Variants in YES1 observed in about 807,000 individuals in gnomAD.
YES1 encodes tyrosine-protein kinase Yes.
YES1 carries 39 observed loss-of-function variants against 70.4 expected under a neutral mutation model. The observed-to-expected ratio is 0.55, with a 90% confidence interval of 0.43 to 0.72. The LOEUF is 0.72. Among genes scored for constraint, YES1 ranks in the 30% least tolerant of loss-of-function variants. The pLI, the probability that YES1 is intolerant of heterozygous loss-of-function variation, is 0.00. For synonymous variants in YES1, 198 were observed against 218.6 expected, an observed-to-expected ratio of 0.91 and a Z score of 0.83; for missense variants, 495 against 644.8, an observed-to-expected ratio of 0.77 and a Z score of 2.52.
intron 1 of YES1, among the ~76,000 whole-genome samples, chr18:773,641 T>C (rs770373895): frequency 1.3e-5 from 2 of 152,206 alleles, no homozygotes; most frequent in African/African-American, 2.4e-5. Context: ...TAGACTTTCA[T>C]AATCCTGTCC....
chr18:737,143 T>C (rs2080163385), intron 9 of YES1, 182 bp from the exon 10 acceptor site: 5 of 568,218 alleles, frequency 8.8e-6, no homozygotes, highest in Non-Finnish European at 1.5e-5. Context: ...AAATGCAGGC[T>C]AAATTCAGAT....
intron 1 of YES1, among the ~76,000 whole-genome samples, chr18:810,311 T>C (rs1907309404): frequency 1.3e-5 from 2 of 152,206 alleles, no homozygotes; most frequent in Admixed American, 6.5e-5. Context: ...GAAGAAATTT[T>C]ACTTGCATAG....
chr18:805,896 G>C lies in YES1; in HGVS notation c.-9+6218C>G, dbSNP rs1279520546. Reference sequence around the variant, plus strand: ...AAAGTTACATTAAAAAATTAGAGAAGTGAAAATCCTCTTAAGTCAGTTGAA... The same window carrying C: ...AAAGTTACATTAAAAAATTAGAGAACTGAAAATCCTCTTAAGTCAGTTGAA... On this transcript the variant is annotated intron_variant, in intron 1 of 11. Coordinates refer to ENST00000314574, the MANE Select transcript of YES1 (RefSeq NM_005433.4). 5.3e-5 allele frequency among the ~76,000 whole-genome samples: 8 copies of C among 152,112 alleles called. No homozygotes were observed. In the East Asian group the frequency reaches 1.5e-3, roughly 29 times the overall value.
intron 1 of YES1, among the ~76,000 whole-genome samples, chr18:791,203 T>A (rs1906229686): frequency 6.6e-6 from 1 of 150,448 alleles, no homozygotes; most frequent in African/African-American, 2.5e-5. Context: ...TGAGCCAAGA[T>A]TGTGCCATTG....
intron 1 of YES1, among the ~76,000 whole-genome samples, chr18:772,932 T>C (rs981269319): frequency 5.9e-5 from 9 of 152,170 alleles, no homozygotes; most frequent in African/African-American, 1.9e-4. Flanking sequence ...AAAAGCAAAA[T>C]AATATAAACT....
intron 3 of YES1, among the ~76,000 whole-genome samples, chr18:751,096 G>A (rs1005222630): frequency 2.6e-5 from 4 of 152,176 alleles, no homozygotes; most frequent in African/African-American, 9.7e-5. Flanking sequence ...ATAACTGGTA[G>A]CAGATGGGAA....
chr18:765,979 T>C (rs1354489238), intron 1 of YES1, among the ~76,000 whole-genome samples: 1 of 152,218 alleles, frequency 6.6e-6, no homozygotes, highest in East Asian at 1.9e-4. Flanking sequence ...AACACATGCA[T>C]TATCAAGATG....
At chr18:767,053 A>ATCTGTAAGTCTGAACTCT (rs71174289) in intron 1 of YES1, among the ~76,000 whole-genome samples, 1 of 151,730 alleles carries the variant, frequency 6.6e-6, no homozygotes, top group Non-Finnish European at 1.5e-5. Flanking sequence ...CTACATGTTC[A>ATCTGTAAGTCTGAACTCT]TCTGTAAGTC....
At chr18:736,761 G>A (rs992326915) in intron 10 of YES1, 47 bp downstream of exon 10, 2 of 1,587,480 alleles carry the variant, frequency 1.3e-6, no homozygotes, top group Admixed American at 3.5e-5. Flanking sequence ...AGAGAGTTAA[G>A]CAAAACACAC....
At chr18:765,272 A>C (rs1904837498) in intron 1 of YES1, among the ~76,000 whole-genome samples, 3 of 97,700 alleles carry the variant, frequency 3.1e-5, no homozygotes, top group African/African-American at 3.6e-5. Context: ...ATATATATAT[A>C]TATATATATA....
At chr18:792,234 G>A (rs1265795634) in intron 1 of YES1, among the ~76,000 whole-genome samples, 2 of 152,082 alleles carry the variant, frequency 1.3e-5, no homozygotes, top group African/African-American at 2.4e-5. Context: ...AACCCAGGAG[G>A]CAGAGGGTGC....
upstream of YES1, chr18:812,331 C>CA (rs1164702297): frequency 5.4e-5 from 1 of 18,620 alleles, no homozygotes; most frequent in African/African-American, 2.1e-4. Flanking sequence ...TCCTCCGCCC[C>CA]CCCCCCCCGG....
chr18:733,107 T>C (rs1226818569), intron 10 of YES1, 142 bp from the exon 11 acceptor site: 9 of 653,412 alleles, frequency 1.4e-5, no homozygotes, highest in Non-Finnish European at 1.9e-5. Context: ...ATACATGGGA[T>C]AAAAATTCTT....
chr18:770,180 G>C (rs1360489093), intron 1 of YES1, among the ~76,000 whole-genome samples: 1 of 151,530 alleles, frequency 6.6e-6, no homozygotes, highest in Admixed American at 6.6e-5. Context: ...GGATTGTCTT[G>C]ATCTCCTGAC....
At chr18:734,557 A>G (rs1243658853) in intron 10 of YES1, among the ~76,000 whole-genome samples, 1 of 152,072 alleles carries the variant, frequency 6.6e-6, no homozygotes, top group Non-Finnish European at 1.5e-5. Flanking sequence ...CTCCATCTCA[A>G]AAACAAAACA....
chr18:750,508 C>T (rs557061164), intron 3 of YES1, among the ~76,000 whole-genome samples: 44 of 152,316 alleles, frequency 2.9e-4, no homozygotes, highest in African/African-American at 9.4e-4. Flanking sequence ...ACAGCGGCAG[C>T]ACCCCAACTG....
At chr18:754,113 T>C (rs1159143337) in intron 2 of YES1, among the ~76,000 whole-genome samples, 1 of 152,130 alleles carries the variant, frequency 6.6e-6, no homozygotes, top group African/African-American at 2.4e-5. Flanking sequence ...GATGTCAGAG[T>C]CAGTTTTTCT....
intron 1 of YES1, among the ~76,000 whole-genome samples, chr18:800,842 A>G (rs2145833671): frequency 6.6e-6 from 1 of 152,186 alleles, no homozygotes; most frequent in Middle Eastern, 3.4e-3. Flanking sequence ...GCTCGGCCCC[A>G]TCTCTGGAAA....
rs532285861 is a variant in YES1, at chr18:728,194, C to G, written c.1424-3562G>C. Among the ~76,000 whole-genome samples, 537 of 151,920 alleles carry G rather than the reference C, an allele frequency of 3.5e-3. 4 individuals carry two copies. Among genetic ancestry groups the G allele is most frequent in the African/African-American group, 0.012 (507 of 41,438 alleles). On this transcript the variant is annotated intron_variant, in intron 11 of 11. Coordinates refer to ENST00000314574, the MANE Select transcript of YES1 (RefSeq NM_005433.4). ...CTACAAAAATTAGCTAGGTGGATGG[C>G]ACACACCTGTGGTCTCAGCTACTTG...
Sources: gnomAD v4.1 joint callset for allele counts (sites outside exome capture counted in the v4.1 genomes callset) on GRCh38, gnomAD v4.1.1 for gene constraint, MANE v1.5 for transcripts, NCBI Gene and HGNC (gene_info 2026-07-23, HGNC 2026-07-21) for gene names.